The following MFHAS1 variants were observed in gnomAD, a reference collection of about 807,000 sequenced individuals.
MFHAS1 encodes malignant fibrous histiocytoma-amplified sequence 1.
MFHAS1 carries 50 observed loss-of-function variants against 70.4 expected under a neutral mutation model. The ratio of observed to expected loss-of-function variants is 0.71; its 90% CI spans 0.57 to 0.90. MFHAS1 has a LOEUF of 0.90. Among genes scored for constraint, MFHAS1 ranks in the 40% least tolerant of loss-of-function variants. MFHAS1 has a pLI of 0.00. For missense variants in MFHAS1, 1,795 were observed against 1,347.6 expected (o/e 1.33, Z -5.20); for synonymous variants, 952 against 620.0 (o/e 1.54, Z -7.96).
intron 1 of MFHAS1, among the ~76,000 whole-genome samples, chr8:8,882,472 C>T (rs915010940): frequency 2.9e-4 from 44 of 151,370 alleles, no homozygotes; most frequent in African/African-American, 9.5e-4. Flanking sequence ...AATAGCCGTG[C>T]GTGGTGGCAC....
chr8:8,864,291 A>T (rs1808778170), intron 1 of MFHAS1, among the ~76,000 whole-genome samples: 1 of 152,186 alleles, frequency 6.6e-6, no homozygotes, highest in Non-Finnish European at 1.5e-5. Context: ...ATGCTCAACC[A>T]AATCTGCTGC....
intron 1 of MFHAS1, among the ~76,000 whole-genome samples, chr8:8,857,987 G>C (rs1808507871): frequency 6.6e-6 from 1 of 152,146 alleles, no homozygotes; most frequent in South Asian, 2.1e-4. Flanking sequence ...AATCCAAGAT[G>C]ATTCAAATAG....
chr8:8,857,943 A>G (rs1026197736), intron 1 of MFHAS1, among the ~76,000 whole-genome samples: 3 of 152,188 alleles, frequency 2.0e-5, no homozygotes, highest in East Asian at 1.9e-4. Flanking sequence ...AACACCACCA[A>G]TTTTGGGGAA....
chr8:8,797,590 A>G (rs1212748274), intron 1 of MFHAS1, 99 bp from the exon 2 acceptor site: 1 of 1,332,134 alleles, frequency 7.5e-7, no homozygotes, highest in Non-Finnish European at 1.0e-6. Context: ...CAGGGGGAGA[A>G]GGGCAGAGGT....
At chr8:8,797,150 T>TAAAA (rs11355520) in intron 2 of MFHAS1, among the ~76,000 whole-genome samples, 1,834 of 141,480 alleles carry the variant, frequency 0.013, 45 homozygotes, top group African/African-American at 0.039. Context: ...TTAGCTAAAG[T>TAAAA]AAAAAAAAAA....
At chr8:8,861,978 G>A (rs1471625376) in intron 1 of MFHAS1, among the ~76,000 whole-genome samples, 1 of 152,140 alleles carries the variant, frequency 6.6e-6, no homozygotes, top group Non-Finnish European at 1.5e-5. Flanking sequence ...TGGCAATTGT[G>A]GAAAAAGCTG....
chr8:8,830,399 A>C (rs554212116), intron 1 of MFHAS1, among the ~76,000 whole-genome samples: 253 of 152,294 alleles, frequency 1.7e-3, no homozygotes, highest in African/African-American at 5.7e-3. Context: ...GTTTTTGTTC[A>C]GCTATTTTAA....
At chr8:8,851,634 C>A (rs190316529) in intron 1 of MFHAS1, among the ~76,000 whole-genome samples, 1 of 152,302 alleles carries the variant, frequency 6.6e-6, no homozygotes, top group East Asian at 1.9e-4. Flanking sequence ...TGTTGCAAAA[C>A]AAAACTGGAA....
At chr8:8,789,304 C>T (rs967955846) in intron 2 of MFHAS1, among the ~76,000 whole-genome samples, 1 of 152,164 alleles carries the variant, frequency 6.6e-6, no homozygotes, top group Non-Finnish European at 1.5e-5. Context: ...TAGCTTGGAG[C>T]CGATGGTACA....
chr8:8,856,406 C>T (rs1203824224), intron 1 of MFHAS1, among the ~76,000 whole-genome samples: 5 of 152,182 alleles, frequency 3.3e-5, no homozygotes, highest in African/African-American at 4.8e-5. Context: ...CAAAGTAGGA[C>T]GCAGAAAAGA....
intron 1 of MFHAS1, among the ~76,000 whole-genome samples, chr8:8,800,302 A>G (rs960432460): frequency 2.6e-5 from 4 of 152,236 alleles, no homozygotes; most frequent in Admixed American, 6.5e-5. Flanking sequence ...GGCTATGTGG[A>G]TATCAAAAAT....
intron 2 of MFHAS1, among the ~76,000 whole-genome samples, chr8:8,792,035 C>G (rs745350710): frequency 6.6e-6 from 1 of 151,176 alleles, no homozygotes; most frequent in Non-Finnish European, 1.5e-5. Context: ...GTCAGGAGAT[C>G]GAGACCATCC....
intron 1 of MFHAS1, among the ~76,000 whole-genome samples, chr8:8,881,831 AAAAG>A (rs1809537288): frequency 6.6e-6 from 1 of 151,498 alleles, no homozygotes; most frequent in African/African-American, 2.4e-5. Flanking sequence ...AAAAAAAAAA[AAAAG>A]AAAGCAGCAG....
At chr8:8,884,532 TAAGA>T (rs1285460320) in intron 1 of MFHAS1, among the ~76,000 whole-genome samples, 1 of 152,110 alleles carries the variant, frequency 6.6e-6, no homozygotes, top group African/African-American at 2.4e-5. Flanking sequence ...CATTCAAGGG[TAAGA>T]CCAGTCATAG....
intron 1 of MFHAS1, among the ~76,000 whole-genome samples, chr8:8,870,478 A>T (rs1183794140): frequency 6.6e-6 from 1 of 152,106 alleles, no homozygotes; most frequent in Non-Finnish European, 1.5e-5. Context: ...AGGAAAACAA[A>T]AAAGGTTTAA....
intron 1 of MFHAS1, among the ~76,000 whole-genome samples, chr8:8,866,476 G>A (rs948646044): frequency 2.0e-5 from 3 of 151,570 alleles, no homozygotes; most frequent in African/African-American, 4.9e-5. Flanking sequence ...GCACCACCAC[G>A]CCCAGCTAAT....
chr8:8,810,798 C>T (rs998997317), intron 1 of MFHAS1, among the ~76,000 whole-genome samples: 1 of 152,118 alleles, frequency 6.6e-6, no homozygotes, highest in African/African-American at 2.4e-5. Flanking sequence ...GCCCCTAAAC[C>T]CCGAGTTGTT....
intron 1 of MFHAS1, among the ~76,000 whole-genome samples, chr8:8,880,050 C>A (rs1427266958): frequency 2.0e-5 from 3 of 152,184 alleles, no homozygotes; most frequent in East Asian, 1.9e-4. Flanking sequence ...TCGTGTATGT[C>A]ACCCCTCATT....
intron 1 of MFHAS1, among the ~76,000 whole-genome samples, chr8:8,836,776 C>T (rs949684563): frequency 6.6e-6 from 1 of 152,176 alleles, no homozygotes; most frequent in Non-Finnish European, 1.5e-5. Flanking sequence ...TAGATAACTT[C>T]CTTTAGTTTC....
Sources: gnomAD v4.1 joint callset for allele counts (sites outside exome capture counted in the v4.1 genomes callset) on GRCh38, gnomAD v4.1.1 for gene constraint, MANE v1.5 for transcripts, NCBI Gene and HGNC (gene_info 2026-07-23, HGNC 2026-07-21) for gene names.